WLS: variants seen among roughly 807,000 people sequenced by gnomAD.
The protein encoded by WLS is protein wntless homolog.
In WLS, 23 loss-of-function variants were observed where a neutral mutation model predicts 62.8. The observed-to-expected ratio is 0.37, with a 90% CI of 0.26 to 0.52. WLS has a LOEUF of 0.52. Ranked by LOEUF, WLS falls within the 20% of genes least tolerant of loss-of-function variation. The pLI is 0.92. For synonymous variants in WLS, 246 were observed against 244.1 expected (o/e 1.01, Z -0.07); for missense variants, 615 against 697.3 (o/e 0.88, Z 1.33).
At chr1:68,099,433 G>A (rs1646049820) in intron 11 of WLS, among the ~76,000 whole-genome samples, 1 of 152,100 alleles carries the variant, frequency 6.6e-6, no homozygotes, top group African/African-American at 2.4e-5. Flanking sequence ...AGGAATACTT[G>A]ATCAGACACA....
At chr1:68,115,076 G>A (rs1478180602) in intron 11 of WLS, among the ~76,000 whole-genome samples, 1 of 152,212 alleles carries the variant, frequency 6.6e-6, no homozygotes, top group Non-Finnish European at 1.5e-5. Context: ...CTGGGTCTCA[G>A]TCTTTGAAAA....
chr1:68,218,506 G>A (rs1218264250), intron 1 of WLS, among the ~76,000 whole-genome samples: 1 of 152,130 alleles, frequency 6.6e-6, no homozygotes, highest in African/African-American at 2.4e-5. Flanking sequence ...ACTCATTTCT[G>A]GATCAAAAGA....
intron 1 of WLS, among the ~76,000 whole-genome samples, chr1:68,216,436 T>G (rs17130586): frequency 1.3e-5 from 2 of 152,180 alleles, no homozygotes; most frequent in African/African-American, 4.8e-5. Context: ...AGGTATCAGG[T>G]GTATCAGTGC....
chr1:68,215,220 A>G (rs187796732), intron 1 of WLS, among the ~76,000 whole-genome samples: 4 of 152,318 alleles, frequency 2.6e-5, no homozygotes, highest in Admixed American at 1.3e-4. Flanking sequence ...ATCCTCTCCA[A>G]TAAATCTTCC....
At position 68,170,493 on chromosome 1, in the gene WLS, C is replaced by T. The variant is rs115556133; in HGVS notation, c.380-11246G>A. On this transcript the variant is annotated intron_variant, in intron 2 of 11. Coordinates refer to ENST00000262348, the MANE Select transcript of WLS (RefSeq NM_024911.7). ...GCTGGCTGCTATTTCAAGGCTAGTA[C>T]TCAAGGTTATCTACACCTGCTGTAC... Among the ~76,000 whole-genome samples, 897 of 151,986 alleles carry T rather than the reference C, an allele frequency of 5.9e-3. 11 individuals are homozygous for T. Among genetic ancestry groups the T allele is most frequent in the African/African-American group, 0.021 (854 of 41,408 alleles).
chr1:68,180,458 A>G (rs948674075), intron 2 of WLS, among the ~76,000 whole-genome samples: 1 of 151,842 alleles, frequency 6.6e-6, no homozygotes, highest in African/African-American at 2.4e-5. Flanking sequence ...CAGGGCTTGC[A>G]TAATGTCTTT....
At chr1:68,122,559 TTTC>T (rs1419227682), downstream of WLS, among the ~76,000 whole-genome samples, 12 of 136,652 alleles carry the variant, frequency 8.8e-5, no homozygotes, top group African/African-American at 2.4e-4. Context: ...ATTGGTAAAC[TTTC>T]TTATTTTTTA....
At position 68,150,303 on chromosome 1, in the gene WLS, C is replaced by A. The variant is rs1240036964; in HGVS notation, c.857G>T (p.Trp286Leu). ...GGTCCAGTCAAACCCGATGGAAAAC[C>A]ATTCCACTGGGATATTGATAAAGGT... ...SMTFINIPVE[W>L]FSIGFDWTWM... The change falls in exon 6 of 12, where the codon TGG (tryptophan) becomes TTG (leucine). Residue 286 changes from tryptophan (W) to leucine (L), a missense_variant. Physicochemically the swap from Trp to Leu is moderately conservative, Grantham distance 61. Transcript: ENST00000262348. 3 of 1,614,094 alleles carry A rather than the reference C, an allele frequency of 1.9e-6. No homozygotes were observed. Among genetic ancestry groups the A allele is most frequent in the East Asian group, 2.2e-5 (1 of 44,894 alleles).
At chr1:68,189,815 C>T (rs1648186091) in intron 2 of WLS, among the ~76,000 whole-genome samples, 1 of 152,146 alleles carries the variant, frequency 6.6e-6, no homozygotes, top group African/African-American at 2.4e-5. Context: ...GGGTGGATCA[C>T]CTAAGGTCAG....
intron 1 of WLS, among the ~76,000 whole-genome samples, chr1:68,218,603 G>A (rs1312916118): frequency 6.6e-6 from 1 of 152,176 alleles, no homozygotes; most frequent in Admixed American, 6.5e-5. Flanking sequence ...TGTCATACTT[G>A]CTTCCTTCCC....
At chr1:68,167,635 A>G (rs1482811003) in intron 2 of WLS, among the ~76,000 whole-genome samples, 2 of 152,224 alleles carry the variant, frequency 1.3e-5, no homozygotes, top group Admixed American at 6.5e-5. Context: ...GTTGTAAGGT[A>G]TCAGCATAGG....
intron 1 of WLS, among the ~76,000 whole-genome samples, chr1:68,214,550 G>A (rs1649654661): frequency 6.6e-6 from 1 of 152,062 alleles, no homozygotes; most frequent in Non-Finnish European, 1.5e-5. Flanking sequence ...TTTTTTAATA[G>A]AGATGGGGTT....
At chr1:68,108,816 A>C (rs78162166) in intron 11 of WLS, among the ~76,000 whole-genome samples, 12,583 of 152,246 alleles carry the variant, frequency 0.083, 663 homozygotes, top group Middle Eastern at 0.16. Flanking sequence ...AGCTTTTCTT[A>C]TGGGGAAAAT....
At chr1:68,129,441 T>C (rs762228141) in intron 11 of WLS, among the ~76,000 whole-genome samples, 2 of 152,252 alleles carry the variant, frequency 1.3e-5, no homozygotes, top group Non-Finnish European at 2.9e-5. Flanking sequence ...GGAGAGCTGT[T>C]ATAAATTTAT....
At chr1:68,166,148 T>C (rs1018742394) in intron 2 of WLS, among the ~76,000 whole-genome samples, 1 of 152,254 alleles carries the variant, frequency 6.6e-6, no homozygotes, top group Non-Finnish European at 1.5e-5. Context: ...ATTACCTCAT[T>C]TAATGTTCCC....
chr1:68,219,506 T>C (rs1169879810), intron 1 of WLS, among the ~76,000 whole-genome samples: 1 of 152,150 alleles, frequency 6.6e-6, no homozygotes, highest in Non-Finnish European at 1.5e-5. Flanking sequence ...TAAATAATAA[T>C]AGCCTGGAAT....
chr1:68,136,761 TAG>T (rs1211057157), intron 11 of WLS, among the ~76,000 whole-genome samples: 9 of 151,986 alleles, frequency 5.9e-5, no homozygotes, highest in Middle Eastern at 3.4e-3. Flanking sequence ...AAAAGATGAG[TAG>T]AGTTTCATTA....
At chr1:68,107,657 C>A (rs1224444705) in intron 11 of WLS, among the ~76,000 whole-genome samples, 1 of 152,226 alleles carries the variant, frequency 6.6e-6, no homozygotes, top group Admixed American at 6.5e-5. Flanking sequence ...CTTCCATTTA[C>A]TGTGAATCTC....
chr1:68,122,939 GAA>G (rs1646381535), downstream of WLS, among the ~76,000 whole-genome samples: 1 of 152,198 alleles, frequency 6.6e-6, no homozygotes, highest in Non-Finnish European at 1.5e-5. Flanking sequence ...GTCTCAGGAT[GAA>G]AGTGTCTTTT....
Sources: allele counts gnomAD v4.1 joint callset (sites outside exome capture counted in the v4.1 genomes callset), GRCh38; gene constraint gnomAD v4.1.1; transcripts MANE v1.5; gene names NCBI Gene and HGNC (gene_info 2026-07-23, HGNC 2026-07-21).